The following LRRC69 variants were observed in gnomAD, a reference collection of about 807,000 sequenced individuals.
LRRC69 encodes the protein leucine-rich repeat-containing protein 69.
LRRC69 carries 42 observed loss-of-function variants against 37.8 expected under a neutral mutation model. The observed-to-expected ratio is 1.11, with a 90% CI of 0.87 to 1.44. LRRC69 has a LOEUF of 1.44. LRRC69 is among the 40% of genes most tolerant of loss of function. The pLI is 0.00. For missense variants in LRRC69, 357 were observed against 401.9 expected (o/e 0.89, Z 0.96); for synonymous variants, 141 against 143.1 (o/e 0.99, Z 0.11).
At chr8:91,144,214 G>C (rs1006147623) in intron 5 of LRRC69, among the ~76,000 whole-genome samples, 3 of 151,956 alleles carry the variant, frequency 2.0e-5, no homozygotes, top group Non-Finnish European at 4.4e-5. Context: ...AAAGCCATGA[G>C]ATCACCTGAA....
chr8:91,131,368 C>G (rs918813455), intron 3 of LRRC69, among the ~76,000 whole-genome samples: 1 of 151,554 alleles, frequency 6.6e-6, no homozygotes, highest in African/African-American at 2.4e-5. Context: ...GCCACAGCAC[C>G]CAGCCCAAGT....
At chr8:91,173,130 G>A (rs1413240367) in intron 5 of LRRC69, among the ~76,000 whole-genome samples, 2 of 151,936 alleles carry the variant, frequency 1.3e-5, no homozygotes, top group African/African-American at 4.8e-5. Context: ...AGGATGTAGG[G>A]GAAGAGGGTG....
chr8:91,163,116 GC>G (rs1277436471), intron 5 of LRRC69, among the ~76,000 whole-genome samples: 1 of 151,104 alleles, frequency 6.6e-6, no homozygotes, highest in Non-Finnish European at 1.5e-5. Context: ...ATAGATCTCA[GC>G]TCAGATATCA....
At chr8:91,147,204 T>G (rs1808635398) in intron 5 of LRRC69, among the ~76,000 whole-genome samples, 1 of 148,294 alleles carries the variant, frequency 6.7e-6, no homozygotes, top group South Asian at 2.1e-4. Flanking sequence ...GCTTTAAAGT[T>G]TATTTTTTTC....
intron 5 of LRRC69, among the ~76,000 whole-genome samples, chr8:91,164,556 A>G (rs892557838): frequency 1.7e-4 from 26 of 151,812 alleles, no homozygotes; most frequent in Middle Eastern, 3.4e-3. Context: ...GGAAACAGTA[A>G]TATGCCAAGA....
exon 6 of LRRC69, chr8:91,189,550 A>G (rs764420753): frequency 6.4e-7 from 1 of 1,551,052 alleles, no homozygotes; most frequent in South Asian, 1.2e-5. Flanking sequence ...AGGGAATTCT[A>G]CTGTGAGGGA....
intron 7 of LRRC69, among the ~76,000 whole-genome samples, chr8:91,210,556 C>A (rs1213218261): frequency 1.0e-5 from 1 of 99,986 alleles, no homozygotes. Context: ...GACACACACA[C>A]ACACAGACAC....
At chr8:91,219,048 C>G, downstream of LRRC69, 1 of 1,011,134 alleles carries the variant, frequency 9.9e-7, no homozygotes, top group Non-Finnish European at 1.5e-6. Flanking sequence ...GCCCTGTCAG[C>G]TCTGCATACA....
chr8:91,178,168 C>T (rs555755737), intron 5 of LRRC69, among the ~76,000 whole-genome samples: 2 of 152,256 alleles, frequency 1.3e-5, no homozygotes, highest in Admixed American at 1.3e-4. Context: ...TTTTCAACTC[C>T]AATTCTTGTG....
chr8:91,119,519 A>G (rs1303985361), intron 1 of LRRC69, among the ~76,000 whole-genome samples: 22 of 152,060 alleles, frequency 1.4e-4, no homozygotes, highest in Non-Finnish European at 1.5e-5. Context: ...AGAATTTCAC[A>G]TGGTAGCTTC....
intron 7 of LRRC69, among the ~76,000 whole-genome samples, chr8:91,214,750 T>C (rs73697145): frequency 0.018 from 2,779 of 152,266 alleles, 71 homozygotes; most frequent in African/African-American, 0.063. Flanking sequence ...GATAACAGTA[T>C]TAGTTTTCCA....
At position 91,189,636 on chromosome 8, in the gene LRRC69, C is replaced by T. The variant is rs965503967; in HGVS notation, c.753+13C>T. On this transcript the variant is annotated intron_variant, in intron 6 of 7. Transcript: ENST00000448384. ...CTGGAGTCTACAGGTGAAGACTTAC[C>T]TCATTAACTTAAGTCTTCAAACTAA... is the stretch of plus-strand genomic sequence containing the variant. 5.4e-6 allele frequency: 8 copies of T among 1,472,408 alleles called. No individual in the cohort carries two copies. The Admixed American group carries it at 1.1e-4, about 21-fold the overall frequency. 91.2% of individuals were successfully genotyped at this position (1,472,408 alleles called of 1,614,324 possible).
chr8:91,105,936 G>A (rs1473491687), intron 1 of LRRC69, among the ~76,000 whole-genome samples: 1 of 151,990 alleles, frequency 6.6e-6, no homozygotes, highest in Non-Finnish European at 1.5e-5. Context: ...TAGAGTTTAT[G>A]TTTTAGTCAG....
At chr8:91,197,714 C>A (rs949057189) in intron 6 of LRRC69, among the ~76,000 whole-genome samples, 1 of 152,008 alleles carries the variant, frequency 6.6e-6, no homozygotes, top group Non-Finnish European at 1.5e-5. Context: ...GCGCACGGTG[C>A]GCGCACCCAC....
intron 5 of LRRC69, among the ~76,000 whole-genome samples, chr8:91,137,345 A>G (rs996567468): frequency 1.3e-5 from 2 of 151,932 alleles, no homozygotes; most frequent in African/African-American, 2.4e-5. Context: ...CGGTATTTCT[A>G]TGGTATGCTT....
At chr8:91,151,224 G>T (rs553764685) in intron 5 of LRRC69, among the ~76,000 whole-genome samples, 54 of 151,140 alleles carry the variant, frequency 3.6e-4, no homozygotes, top group African/African-American at 9.7e-4. Context: ...TGGGCATTTA[G>T]TGCTATAAAT....
intron 6 of LRRC69, among the ~76,000 whole-genome samples, chr8:91,195,191 G>A (rs1159214483): frequency 6.6e-6 from 1 of 151,828 alleles, no homozygotes; most frequent in Non-Finnish European, 1.5e-5. Context: ...TAGTTTGATT[G>A]CACTGTGGTC....
intron 5 of LRRC69, among the ~76,000 whole-genome samples, chr8:91,156,782 G>C (rs1808843484): frequency 6.6e-6 from 1 of 150,876 alleles, no homozygotes; most frequent in Admixed American, 6.6e-5. Context: ...AATTCATCTT[G>C]AGTTGATTTT....
intron 7 of LRRC69, among the ~76,000 whole-genome samples, chr8:91,216,161 A>G (rs1045323013): frequency 6.6e-6 from 1 of 152,192 alleles, no homozygotes; most frequent in Non-Finnish European, 1.5e-5. Context: ...TAAAACTAAC[A>G]ACGGGCATTT....
Sources: allele counts gnomAD v4.1 joint callset (sites outside exome capture counted in the v4.1 genomes callset), GRCh38; gene constraint gnomAD v4.1.1; transcripts MANE v1.5; gene names NCBI Gene and HGNC (gene_info 2026-07-23, HGNC 2026-07-21).